The following PCNX1 variants were observed in gnomAD, a reference collection of about 807,000 sequenced individuals.
PCNX1 encodes pecanex 1.
PCNX1 carries 78 observed loss-of-function variants against 242.2 expected under a neutral mutation model. That is an observed-to-expected ratio of 0.32 (90% CI 0.27 to 0.39). The LOEUF (loss-of-function observed/expected upper bound fraction) is 0.39, where lower values mean the gene tolerates loss of function less well. Among genes scored for constraint, PCNX1 ranks in the 10% least tolerant of loss-of-function variants. PCNX1 has a pLI of 1.00. For missense variants in PCNX1, 2,581 were observed against 2,856.5 expected (o/e 0.90, Z 2.20); for synonymous variants, 1,024 against 1,032.9 (o/e 0.99, Z 0.17).
At chr14:70,965,152 C>A (rs2058339100) in intron 3 of PCNX1, among the ~76,000 whole-genome samples, 1 of 151,048 alleles carries the variant, frequency 6.6e-6, no homozygotes, top group Non-Finnish European at 1.5e-5. Context: ...TGCCTTTCTC[C>A]CTTTCATCTT....
At chr14:71,109,156 G>A (rs2062701530) in intron 34 of PCNX1, 110 bp downstream of exon 34, 1 of 1,003,864 alleles carries the variant, frequency 1.0e-6, no homozygotes, top group East Asian at 2.6e-5. Context: ...TTAGTCTCAG[G>A]ACTAGAATAT....
chr14:71,088,308 A>G (rs1473375142), intron 28 of PCNX1, 22 bp from the exon 29 acceptor site: 5 of 1,372,652 alleles, frequency 3.6e-6, no homozygotes, highest in East Asian at 4.6e-5. Flanking sequence ...TCTGATAACT[A>G]ATGTTTTTTG....
At chr14:71,073,475 T>A in intron 26 of PCNX1, 70 bp from the exon 27 acceptor site, 2 of 1,391,266 alleles carry the variant, frequency 1.4e-6, no homozygotes, top group East Asian at 2.3e-5. Context: ...CTAAATCTTA[T>A]GTGTCCTTGC....
chr14:71,029,187 C>T (rs1377360112), intron 16 of PCNX1, among the ~76,000 whole-genome samples: 1 of 151,964 alleles, frequency 6.6e-6, no homozygotes, highest in Non-Finnish European at 1.5e-5. Flanking sequence ...ATTTAAGATA[C>T]ATGCTAATAA....
rs1008752366 is a variant in PCNX1 at position 71,050,209 on chromosome 14, A to G, written c.4339-443A>G. 2.0e-5 allele frequency among the ~76,000 whole-genome samples: 3 copies of G among 151,938 alleles called. No homozygotes were observed. In the South Asian group the frequency reaches 6.2e-4, roughly 32 times the overall value. ...TATTATACTTTAAGTTTTAGGGTAC[A>G]TGTGCACAATGTGCAGGTTAGTTAC... On this transcript the variant is annotated intron_variant, in intron 22 of 35. Coordinates refer to ENST00000304743, the MANE Select transcript of PCNX1 (RefSeq NM_014982.3).
At chr14:70,917,510 T>G (rs2056198006) in intron 1 of PCNX1, among the ~76,000 whole-genome samples, 1 of 152,206 alleles carries the variant, frequency 6.6e-6, no homozygotes. Flanking sequence ...AGGTACCATG[T>G]CAAGGAGCAG....
chr14:70,926,961 C>G (rs2056617268), intron 1 of PCNX1, among the ~76,000 whole-genome samples: 1 of 152,114 alleles, frequency 6.6e-6, no homozygotes, highest in Non-Finnish European at 1.5e-5. Context: ...CTTAAAAATG[C>G]AGGCTGTGGA....
In PCNX1 at chr14:71,098,562, G is replaced by A. The variant is rs2062371948; in HGVS notation, c.5590-3428G>A. On this transcript the variant is annotated intron_variant, in intron 30 of 35. Transcript: ENST00000304743. Reference sequence around the variant, plus strand: ...TGTGTGTGTGTGTGTGTGAGAGAGAGAGAGAGAACATTGTAGATGGGATTG... The same window carrying A: ...TGTGTGTGTGTGTGTGTGAGAGAGAAAGAGAGAACATTGTAGATGGGATTG... 2.0e-5 allele frequency among the ~76,000 whole-genome samples: 3 copies of A among 151,002 alleles called. No individual in the cohort carries two copies. In the South Asian group the frequency reaches 6.3e-4, roughly 32 times the overall value.
chr14:71,093,043 G>C (rs182576665), intron 30 of PCNX1: 2 of 152,170 alleles, frequency 1.3e-5, no homozygotes, highest in East Asian at 3.9e-4. Flanking sequence ...CTCTAATTCA[G>C]CCTCCAGATC....
At chr14:70,963,785 T>G (rs937986776) in intron 3 of PCNX1, among the ~76,000 whole-genome samples, 9 of 152,202 alleles carry the variant, frequency 5.9e-5, no homozygotes, top group Non-Finnish European at 1.3e-4. Flanking sequence ...ATCTAAAATC[T>G]TAGGTTTCCA....
intron 8 of PCNX1, among the ~76,000 whole-genome samples, chr14:70,998,067 A>C (rs2140361496): frequency 6.6e-6 from 1 of 152,314 alleles, no homozygotes; most frequent in Non-Finnish European, 1.5e-5. Context: ...GCATACATAC[A>C]CACATACATG....
intron 28 of PCNX1, chr14:71,085,853 G>T: frequency 3.1e-6 from 1 of 323,958 alleles, no homozygotes; most frequent in Non-Finnish European, 6.1e-6. Flanking sequence ...AAGGATCAGA[G>T]TAGTTATTCT....
At chr14:71,038,856 A>T (rs540548319) in intron 19 of PCNX1, among the ~76,000 whole-genome samples, 23 of 151,680 alleles carry the variant, frequency 1.5e-4, no homozygotes, top group African/African-American at 5.6e-4. Context: ...GATTAAGAAA[A>T]TGTGGCACAT....
rs746889498 is a variant in PCNX1 at position 70,907,817 on chromosome 14, GCGGCGGCGGCGA to G, written c.-22_-11del. On this transcript the variant is annotated 5_prime_UTR_variant, in exon 1 of 36. Coordinates refer to ENST00000304743, the MANE Select transcript of PCNX1 (RefSeq NM_014982.3). ...TGGGGCCGGGGCGGGGACGGCGGCG[GCGGCGGCGGCGA>G]CGGCGGCGGCGCCGGGTGGGGATGG... 800 of 1,242,112 alleles carry G rather than the reference GCGGCGGCGGCGA, an allele frequency of 6.4e-4. 15 individuals carry two copies. Among genetic ancestry groups the G allele is most frequent in the South Asian group, 4.3e-4 (12 of 27,706 alleles). 76.9% of individuals were successfully genotyped at this position (1,242,112 alleles called of 1,614,324 possible). A position where few individuals can be genotyped will look rare whatever the true frequency, so the allele number is the denominator to read the frequency against.
intron 3 of PCNX1, among the ~76,000 whole-genome samples, chr14:70,965,153 CT>C (rs1170627445): frequency 1.3e-5 from 2 of 152,092 alleles, no homozygotes; most frequent in African/African-American, 4.8e-5. Context: ...GCCTTTCTCC[CT>C]TTCATCTTCT....
chr14:71,103,397 G>A lies in PCNX1; in HGVS notation c.5823G>A (p.Val1941=), dbSNP rs1187686005. 6.2e-7 allele frequency: 1 copy of A among 1,613,712 alleles called. No homozygotes were observed. Among genetic ancestry groups the A allele is most frequent in the Non-Finnish European group, 8.5e-7 (1 of 1,179,786 alleles). ...RRYLSFRVIK[V]NKECVRGLWA... The stretch of plus-strand genomic sequence containing the variant: ...TTCCCTTGTGTTCTGGTTTTCAGGT[G>A]AATAAGGAATGTGTCCGAGGTCTTT... The change falls in exon 32 of 36, where the codon GTG becomes GTA. Residue 1941 remains valine (V), a splice_region_variant and synonymous_variant. Transcript: ENST00000304743.
chr14:70,943,880 C>T (rs73291831), intron 1 of PCNX1, among the ~76,000 whole-genome samples: 4,835 of 152,286 alleles, frequency 0.032, 226 homozygotes, highest in African/African-American at 0.11. Flanking sequence ...CAGGCTGTTG[C>T]TTCAGAGGGT....
At chr14:71,027,358 A>G (rs1251469774) in intron 15 of PCNX1, among the ~76,000 whole-genome samples, 5 of 151,952 alleles carry the variant, frequency 3.3e-5, no homozygotes, top group Admixed American at 1.3e-4. Context: ...GTAATAAATA[A>G]GTTTTTAAGA....
chr14:70,953,813 C>T (rs1453682662), intron 2 of PCNX1, among the ~76,000 whole-genome samples: 3 of 151,902 alleles, frequency 2.0e-5, no homozygotes, highest in Non-Finnish European at 2.9e-5. Context: ...GGATTACAGG[C>T]ATGTGCCACC....
Sources: gnomAD v4.1 joint callset for allele counts (sites outside exome capture counted in the v4.1 genomes callset) on GRCh38, gnomAD v4.1.1 for gene constraint, MANE v1.5 for transcripts, NCBI Gene and HGNC (gene_info 2026-07-23, HGNC 2026-07-21) for gene names.